The following ADGRL3 variants were observed in gnomAD, a reference collection of about 807,000 sequenced individuals.
ADGRL3 encodes calcium-independent alpha-latrotoxin receptor 3.
In ADGRL3, 62 loss-of-function variants were observed where a neutral mutation model predicts 153.5. That is an observed-to-expected ratio of 0.40 (90% CI 0.33 to 0.50). The LOEUF (loss-of-function observed/expected upper bound fraction) is 0.50. Ranked by LOEUF, ADGRL3 falls within the 20% of genes least tolerant of loss-of-function variation. ADGRL3 has a pLI of 0.47. For synonymous variants in ADGRL3, 710 were observed against 672.5 expected, an observed-to-expected ratio of 1.06 and a Z score of -0.86; for missense variants, 1,641 against 1,859.4, an observed-to-expected ratio of 0.88 and a Z score of 2.16.
intron 13 of ADGRL3, among the ~76,000 whole-genome samples, chr4:61,933,029 C>A (rs1212779581): frequency 6.6e-6 from 1 of 151,448 alleles, no homozygotes; most frequent in Non-Finnish European, 1.5e-5. Flanking sequence ...AATATATTAT[C>A]CCCAATAAAA....
intron 9 of ADGRL3, among the ~76,000 whole-genome samples, chr4:61,863,683 TATATC>T (rs60367517): frequency 0.43 from 65,420 of 151,666 alleles, 14,449 homozygotes; most frequent in Middle Eastern, 0.54. Flanking sequence ...GGCTTACAAA[TATATC>T]ATATTAGTTG....
At chr4:61,605,958 A>G (rs1414486402) in intron 5 of ADGRL3, among the ~76,000 whole-genome samples, 2 of 152,206 alleles carry the variant, frequency 1.3e-5, no homozygotes, top group African/African-American at 4.8e-5. Flanking sequence ...CCTAATTACA[A>G]GGAGATTTAA....
intron 9 of ADGRL3, among the ~76,000 whole-genome samples, chr4:61,824,413 T>G (rs1281514890): frequency 6.6e-6 from 1 of 152,250 alleles, no homozygotes; most frequent in Non-Finnish European, 1.5e-5. Context: ...GTTAATGTAC[T>G]AAATCTTGTA....
intron 1 of ADGRL3, among the ~76,000 whole-genome samples, chr4:61,233,274 G>C (rs953898332): frequency 6.6e-6 from 1 of 151,934 alleles, no homozygotes; most frequent in East Asian, 1.9e-4. Flanking sequence ...GATTGGAGTA[G>C]GTAGGTAAAA....
intron 25 of ADGRL3, among the ~76,000 whole-genome samples, chr4:62,051,471 G>A (rs957477975): frequency 6.6e-6 from 1 of 150,994 alleles, no homozygotes; most frequent in Non-Finnish European, 1.5e-5. Context: ...CAGGGCAAAG[G>A]TCCTTGGCTA....
chr4:61,919,605 T>G (rs1328017600), intron 13 of ADGRL3, among the ~76,000 whole-genome samples: 1 of 152,186 alleles, frequency 6.6e-6, no homozygotes. Flanking sequence ...AAGCAATCAT[T>G]GAATCAGAAG....
chr4:61,890,552 G>T (rs1485971962), intron 9 of ADGRL3, among the ~76,000 whole-genome samples: 2 of 152,024 alleles, frequency 1.3e-5, no homozygotes, highest in East Asian at 3.9e-4. Flanking sequence ...AGGTGGGAGG[G>T]GGCCAAACAC....
At chr4:61,376,454 C>T (rs186792615) in intron 1 of ADGRL3, among the ~76,000 whole-genome samples, 30 of 151,892 alleles carry the variant, frequency 2.0e-4, no homozygotes, top group Non-Finnish European at 4.1e-4. Context: ...AAGGAGCAGG[C>T]GTTGCTGAGG....
chr4:61,799,057 A>T (rs1279481299), intron 8 of ADGRL3, among the ~76,000 whole-genome samples: 3 of 142,730 alleles, frequency 2.1e-5, no homozygotes, highest in South Asian at 2.2e-4. Flanking sequence ...TTGTATAGTT[A>T]TACAGTGGTA....
At chr4:61,710,983 T>C (rs952580327) in intron 6 of ADGRL3, among the ~76,000 whole-genome samples, 1 of 152,222 alleles carries the variant, frequency 6.6e-6, no homozygotes, top group Non-Finnish European at 1.5e-5. Flanking sequence ...GCTGTATTAA[T>C]AAATTTTCCA....
intron 5 of ADGRL3, among the ~76,000 whole-genome samples, chr4:61,600,790 A>ATCT (rs1209585777): frequency 6.6e-6 from 1 of 152,132 alleles, no homozygotes; most frequent in East Asian, 1.9e-4. Context: ...CTCAAAAAGG[A>ATCT]TCTTTCTTTA....
chr4:61,738,421 C>T (rs187011447), intron 8 of ADGRL3, among the ~76,000 whole-genome samples: 3 of 152,236 alleles, frequency 2.0e-5, no homozygotes, highest in African/African-American at 7.2e-5. Context: ...ACCTCTTTTC[C>T]TCTGGGTAGC....
chr4:62,021,279 C>A (rs2099236972), intron 21 of ADGRL3, among the ~76,000 whole-genome samples: 1 of 152,192 alleles, frequency 6.6e-6, no homozygotes, highest in Non-Finnish European at 1.5e-5. Flanking sequence ...ACACAATGGT[C>A]CTGTGAAGGA....
At chr4:61,239,441 C>T (rs930645136) in intron 1 of ADGRL3, among the ~76,000 whole-genome samples, 3 of 152,134 alleles carry the variant, frequency 2.0e-5, no homozygotes, top group Non-Finnish European at 4.4e-5. Flanking sequence ...CCCCTCCCCA[C>T]TCCACTGATG....
At chr4:61,239,807 T>C (rs1754216807) in intron 1 of ADGRL3, among the ~76,000 whole-genome samples, 1 of 152,076 alleles carries the variant, frequency 6.6e-6, no homozygotes, top group Admixed American at 6.6e-5. Flanking sequence ...TAAAACAAAA[T>C]ATGGCATTGA....
At chr4:61,928,150 T>C (rs1410125882) in intron 13 of ADGRL3, among the ~76,000 whole-genome samples, 3 of 152,018 alleles carry the variant, frequency 2.0e-5, no homozygotes, top group Non-Finnish European at 2.9e-5. Context: ...TAGAGTAAAA[T>C]ATAATTTATA....
intron 1 of ADGRL3, among the ~76,000 whole-genome samples, chr4:61,244,424 AAAATAAAACTGATCTTTCTCTTTCCTC>A (rs1756236115): frequency 6.6e-6 from 1 of 152,074 alleles, no homozygotes; most frequent in Admixed American, 6.6e-5. Context: ...AAGTAATAAA[AAAATAAAACTGATCTTTCTCTTTCCTC>A]AAATAGATTT....
At chr4:61,280,747 AT>A (rs1237173921) in intron 1 of ADGRL3, among the ~76,000 whole-genome samples, 4 of 152,180 alleles carry the variant, frequency 2.6e-5, no homozygotes, top group Non-Finnish European at 5.9e-5. Flanking sequence ...AAGGATGCAT[AT>A]TTTAATAGCA....
At chr4:61,380,600 A>C (rs1223945902) in intron 1 of ADGRL3, among the ~76,000 whole-genome samples, 1 of 152,020 alleles carries the variant, frequency 6.6e-6, no homozygotes, top group Non-Finnish European at 1.5e-5. Flanking sequence ...TAGTACTCAA[A>C]CTCAAAACAA....
Sources: gnomAD v4.1 joint callset for allele counts (sites outside exome capture counted in the v4.1 genomes callset) on GRCh38, gnomAD v4.1.1 for gene constraint, MANE v1.5 for transcripts, NCBI Gene and HGNC (gene_info 2026-07-23, HGNC 2026-07-21) for gene names.